Variants in XYLT1 observed in about 807,000 individuals in gnomAD.
The protein encoded by XYLT1 is beta-D-xylosyltransferase 1.
Under a neutral mutation model 91.3 loss-of-function variants are expected in XYLT1, and 36 were observed. The ratio of observed to expected loss-of-function variants is 0.39; its 90% CI spans 0.30 to 0.52. The LOEUF is 0.52. Ranked by LOEUF, XYLT1 falls within the 20% of genes least tolerant of loss-of-function variation. The pLI, the probability that XYLT1 is intolerant of heterozygous loss-of-function variation, is 0.68. For synonymous variants in XYLT1, 588 were observed against 532.0 expected (o/e 1.11, Z -1.45); for missense variants, 1,242 against 1,284.5 (o/e 0.97, Z 0.51).
At chr16:17,286,255 AG>A (rs1484202824) in intron 2 of XYLT1, among the ~76,000 whole-genome samples, 5 of 150,556 alleles carry the variant, frequency 3.3e-5, no homozygotes, top group Non-Finnish European at 5.9e-5. Context: ...ACTTACTTGA[AG>A]GGGTAAACAG....
rs183721364 is a variant in XYLT1 at position 17,368,437 on chromosome 16, C to T, written c.364-10387G>A. 3.9e-4 allele frequency among the ~76,000 whole-genome samples: 60 copies of T among 152,182 alleles called. No individual in the cohort carries two copies. The East Asian group carries it at 0.011, about 27-fold the overall frequency. Reference sequence around the variant, plus strand: ...GCCTTGATGACAGCGCCCAGTAGACCGCTATCATTGGTTAAGTCCTTATGA... The same window carrying T: ...GCCTTGATGACAGCGCCCAGTAGACTGCTATCATTGGTTAAGTCCTTATGA... On this transcript the variant is annotated intron_variant, in intron 1 of 11. Transcript: ENST00000261381.
At chr16:17,350,002 T>C (rs1443354630) in intron 2 of XYLT1, among the ~76,000 whole-genome samples, 3 of 152,086 alleles carry the variant, frequency 2.0e-5, no homozygotes, top group East Asian at 1.9e-4. Context: ...GCCTCCCAAA[T>C]AGCTGGGACT....
chr16:17,249,237 G>T (rs1338317416), intron 3 of XYLT1, among the ~76,000 whole-genome samples: 2 of 152,158 alleles, frequency 1.3e-5, no homozygotes, highest in African/African-American at 4.8e-5. Flanking sequence ...CCAGGTGGTG[G>T]ATGCCATGCT....
intron 1 of XYLT1, among the ~76,000 whole-genome samples, chr16:17,427,611 C>T (rs1383094824): frequency 6.6e-6 from 1 of 152,116 alleles, no homozygotes; most frequent in East Asian, 1.9e-4. Context: ...AATGCGTCAC[C>T]CCACATCCCC....
intron 1 of XYLT1, among the ~76,000 whole-genome samples, chr16:17,447,236 A>G (rs1177778758): frequency 6.6e-6 from 1 of 151,446 alleles, no homozygotes; most frequent in Non-Finnish European, 1.5e-5. Flanking sequence ...AACCACTATC[A>G]CTCTCAACAC....
rs2034115096 is a variant in XYLT1 at position 17,285,068 on chromosome 16, C to T, written c.403-25570G>A. Among the ~76,000 whole-genome samples the T allele has an allele frequency of 2.0e-5, 3 of 152,154 alleles. 1 individual carries two copies. The highest frequency in any genetic ancestry group is 2.0e-4 in the Admixed American group (3 of 15,278). On this transcript the variant is annotated intron_variant, in intron 2 of 11. Coordinates refer to ENST00000261381, the MANE Select transcript of XYLT1 (RefSeq NM_022166.4). ...TGCTCACAGATGCAGAGAGAGGAAGCAGGGGCAGAAACAAAGGTGGATGCA... is the reference window on the plus strand; with the variant it reads ...TGCTCACAGATGCAGAGAGAGGAAGTAGGGGCAGAAACAAAGGTGGATGCA...
intron 10 of XYLT1, among the ~76,000 whole-genome samples, chr16:17,127,013 A>G (rs1391347): frequency 0.95 from 145,031 of 152,292 alleles, 69,118 homozygotes; most frequent in Middle Eastern, 0.98. Context: ...GAAGGGTTGG[A>G]TGGAGAATGT....
intron 1 of XYLT1, among the ~76,000 whole-genome samples, chr16:17,372,084 C>G (rs2035542053): frequency 6.6e-6 from 1 of 152,164 alleles, no homozygotes; most frequent in Non-Finnish European, 1.5e-5. Flanking sequence ...GACAAGATTC[C>G]ACTAAGAGTT....
At chr16:17,318,629 A>G (rs1278579773) in intron 2 of XYLT1, among the ~76,000 whole-genome samples, 2 of 152,200 alleles carry the variant, frequency 1.3e-5, no homozygotes, top group African/African-American at 4.8e-5. Context: ...ACTGGAATTC[A>G]GAACCTGGTT....
chr16:17,121,110 C>T (rs530944011), intron 10 of XYLT1, among the ~76,000 whole-genome samples: 1 of 152,240 alleles, frequency 6.6e-6, no homozygotes, highest in South Asian at 2.1e-4. Flanking sequence ...CACTAGTTTC[C>T]AACAGATACT....
At chr16:17,230,736 G>C (rs751028694) in intron 3 of XYLT1, among the ~76,000 whole-genome samples, 4 of 151,940 alleles carry the variant, frequency 2.6e-5, no homozygotes, top group Non-Finnish European at 5.9e-5. Flanking sequence ...TTCATCCTCC[G>C]GTCCCTTCAA....
At chr16:17,271,030 A>T (rs1350947584) in intron 2 of XYLT1, among the ~76,000 whole-genome samples, 1 of 152,204 alleles carries the variant, frequency 6.6e-6, no homozygotes, top group Admixed American at 6.5e-5. Context: ...GCAAAGTCAG[A>T]CCCAAGGACA....
At chr16:17,455,755 A>G (rs2036732861) in intron 1 of XYLT1, among the ~76,000 whole-genome samples, 1 of 152,176 alleles carries the variant, frequency 6.6e-6, no homozygotes, top group South Asian at 2.1e-4. Context: ...GCGCATAAAG[A>G]TGATGTTCAC....
chr16:17,176,105 C>G (rs753806842), intron 5 of XYLT1, among the ~76,000 whole-genome samples: 2 of 152,208 alleles, frequency 1.3e-5, no homozygotes, highest in Admixed American at 6.5e-5. Context: ...ACCACAGCCA[C>G]TGCAGCCACA....
At chr16:17,181,280 C>G (rs1288780045) in intron 5 of XYLT1, among the ~76,000 whole-genome samples, 1 of 152,154 alleles carries the variant, frequency 6.6e-6, no homozygotes, top group African/African-American at 2.4e-5. Context: ...TCATCACGAT[C>G]AGACTTCCTC....
intron 3 of XYLT1, among the ~76,000 whole-genome samples, chr16:17,237,303 G>C (rs191379791): frequency 6.6e-6 from 1 of 152,274 alleles, no homozygotes; most frequent in East Asian, 1.9e-4. Flanking sequence ...CCAGGAAGAA[G>C]TTCCAAAATA....
At chr16:17,359,744 T>G (rs967782646) in intron 1 of XYLT1, among the ~76,000 whole-genome samples, 2 of 152,196 alleles carry the variant, frequency 1.3e-5, no homozygotes, top group African/African-American at 4.8e-5. Flanking sequence ...AAGGAGCTGT[T>G]TTGGGCCTGT....
intron 1 of XYLT1, among the ~76,000 whole-genome samples, chr16:17,430,661 A>T (rs1445297377): frequency 6.6e-6 from 1 of 152,136 alleles, no homozygotes; most frequent in Non-Finnish European, 1.5e-5. Flanking sequence ...CTGACAAAGG[A>T]ATTCTTTTTT....
At chr16:17,126,625 C>A (rs2030269978) in intron 10 of XYLT1, among the ~76,000 whole-genome samples, 1 of 152,156 alleles carries the variant, frequency 6.6e-6, no homozygotes, top group African/African-American at 2.4e-5. Context: ...TACTCTTAGC[C>A]CCTCAAGATG....
Sources: allele counts gnomAD v4.1 joint callset (sites outside exome capture counted in the v4.1 genomes callset), GRCh38; gene constraint gnomAD v4.1.1; transcripts MANE v1.5; gene names NCBI Gene and HGNC (gene_info 2026-07-23, HGNC 2026-07-21).